Variants in THY1 observed in about 807,000 individuals in gnomAD.
THY1 encodes the protein thy-1 membrane glycoprotein.
THY1 carries 10 observed loss-of-function variants against 14.9 expected under a neutral mutation model. The ratio of observed to expected loss-of-function variants is 0.67; its 90% confidence interval spans 0.41 to 1.14. The LOEUF is 1.14. Ranked by LOEUF, THY1 falls within the 50% of genes most tolerant of loss-of-function variation. The pLI is 0.00. For missense variants in THY1, 159 were observed against 202.1 expected (o/e 0.79, Z 1.29); for synonymous variants, 80 against 90.0 (o/e 0.89, Z 0.63).
rs147774547 is a variant in THY1 at position 119,416,706 on chromosome 11, C to T, written c.*2702G>A. 0.015 allele frequency among the ~76,000 whole-genome samples: 2,266 copies of T among 152,278 alleles called. 24 individuals are homozygous for T. The highest frequency in any genetic ancestry group is 0.021 in the Non-Finnish European group (1,454 of 68,024). ...CTCGAACTCCTGACCTCAAGCGATC[C>T]GCCTCTTCCCAAAGTGGTGGGATTA... On this transcript the variant is annotated 3_prime_UTR_variant, in exon 4 of 4. Coordinates refer to ENST00000284240, the MANE Select transcript of THY1 (RefSeq NM_006288.5).
Position 119,420,936 on chromosome 11 carries a change from T to C in THY1, c.-24-7A>G, listed in dbSNP as rs1378527074. ...TGGGATCTCAGTCCTGGATCTGGGG[T>C]GGGAACAGGATGGGAATCAGCCAAG... On this transcript the variant is annotated splice_region_variant and splice_polypyrimidine_tract_variant and intron_variant, in intron 1 of 3. Transcript: ENST00000284240. 6.2e-7 allele frequency: 1 copy of C among 1,613,814 alleles called. No individual in the cohort carries two copies. Among genetic ancestry groups the C allele is most frequent in the African/African-American group, 1.3e-5 (1 of 74,860 alleles).
Position 119,422,866 on chromosome 11 carries a change from AC to A in THY1, c.-25+246del, listed in dbSNP as rs1861936993. 6.6e-6 allele frequency among the ~76,000 whole-genome samples: 1 copy of A among 151,896 alleles called. No homozygotes were observed. Among genetic ancestry groups the A allele is most frequent in the Admixed American group, 6.6e-5 (1 of 15,266 alleles). On this transcript the variant is annotated intron_variant, in intron 1 of 3. Transcript: ENST00000284240. This position sits in a 1 kb window ranked among gnomAD's most constrained non-coding sequence, Gnocchi z 7.0. ...GTTCTCCAGCGCCCCAGCCCCAGACACCAGTCCCCCAGCGGGCGAAAGCCCG... is the reference window on the plus strand; with the variant it reads ...GTTCTCCAGCGCCCCAGCCCCAGACACAGTCCCCCAGCGGGCGAAAGCCCG...
In THY1 at chr11:119,420,032, T is replaced by C. The variant is rs992707549; in HGVS notation, c.373+19A>G. ...CTGGCTCTCCCAGCTCACTTGACCT[T>C]GTTAGGGGCTTGTCTCACCTCTGAG... is the stretch of plus-strand genomic sequence containing the variant. On this transcript the variant is annotated intron_variant, in intron 3 of 3. Transcript: ENST00000284240. 3.1e-6 allele frequency: 5 copies of C among 1,599,868 alleles called. No homozygotes were observed. In the African/African-American group the frequency reaches 5.3e-5, roughly 17 times the overall value.
In THY1 at chr11:119,420,872, T is replaced by A; in HGVS notation, c.34A>T (p.Thr12Ser). The A allele has an allele frequency of 6.2e-7, 1 of 1,614,100 alleles. No individual in the cohort carries two copies. The highest frequency in any genetic ancestry group is 1.1e-5 in the South Asian group (1 of 91,078). The stretch of plus-strand genomic sequence containing the variant: ...AGTCCTGCCCCATGCCGGGTACCTG[T>A]TAGCAGGAGAGCGATGCTGATGGCC... ...NLAISIALLL[T>S]VLQVSRGQKV... The change falls in exon 2 of 4, where the codon ACA becomes TCA. Residue 12 changes from threonine (T) to serine (S), a missense_variant. By Grantham distance (58) the Thr-to-Ser change is moderately conservative. Transcript: ENST00000284240.
chr11:119,422,752 C>CCGT lies in THY1; in HGVS notation c.-25+358_-25+360dup, dbSNP rs1861934187. Among the ~76,000 whole-genome samples the CCGT allele has an allele frequency of 1.3e-5, 2 of 152,180 alleles. No homozygotes were observed. The highest frequency in any genetic ancestry group is 6.5e-5 in the Admixed American group (1 of 15,286). On this transcript the variant is annotated intron_variant, in intron 1 of 3. Transcript: ENST00000284240. The surrounding 1 kb of genome is among the most constrained non-coding windows in gnomAD (Gnocchi z 7.0). ...CTCCATCCTCTCCCCGCAGTTTCAT[C>CCGT]CGTCCTCCTCCCCGCCTCTGCGAGC...
intron 3 of THY1, 88 bp downstream of exon 3, chr11:119,419,963 C>G: frequency 7.3e-7 from 1 of 1,377,756 alleles, no homozygotes; most frequent in Non-Finnish European, 9.8e-7. Flanking sequence ...TGGGGCTATT[C>G]TCCTCTCTAG....
Position 119,416,828 on chromosome 11 carries a change from G to A in THY1, c.*2580C>T, listed in dbSNP as rs1425997778. On this transcript the variant is annotated 3_prime_UTR_variant, in exon 4 of 4. Transcript: ENST00000284240. ...TCCTTTCCGAAGTCCGTGGCCCTCT[G>A]GTGGCCTCTGTGGCTTCTTGAGCTA... Among the ~76,000 whole-genome samples, 1 of 152,170 alleles carries A rather than the reference G, an allele frequency of 6.6e-6. No homozygotes were observed. The highest frequency in any genetic ancestry group is 1.5e-5 in the Non-Finnish European group (1 of 68,020).
At chr11:119,420,019 G>A (rs2135434934) in intron 3 of THY1, 32 bp downstream of exon 3, 2 of 1,587,088 alleles carry the variant, frequency 1.3e-6, no homozygotes, top group East Asian at 4.5e-5. Flanking sequence ...GGCTCTCCCA[G>A]CTCACTTGAC....
rs1467187935 is a variant in THY1, at chr11:119,420,330, G to T, written c.94C>A (p.Gln32Lys). Residue 32 changes from glutamine to lysine, a missense_variant, in exon 3 of 4, where the codon CAG (glutamine) becomes AAG (lysine). Gln to Lys is a moderately conservative substitution (Grantham distance 53). Transcript: ENST00000284240. Reference protein sequence around the residue: ...VTSLTACLVDQSLRLDCRHEN... With the variant: ...VTSLTACLVDKSLRLDCRHEN... Reference sequence around the variant, plus strand: ...TGGCGGCAGTCCAGACGAAGGCTCTGGTCCACTAGGCAGGCCGTTAGGCTG... The same window carrying T: ...TGGCGGCAGTCCAGACGAAGGCTCTTGTCCACTAGGCAGGCCGTTAGGCTG... 2.5e-6 allele frequency: 4 copies of T among 1,614,178 alleles called. No individual in the cohort carries two copies. Among genetic ancestry groups the T allele is most frequent in the South Asian group, 1.1e-5 (1 of 91,084 alleles).
At chr11:119,420,581 C>CCT in intron 2 of THY1, 195 bp from the exon 3 acceptor site, 1 of 643,246 alleles carries the variant, frequency 1.6e-6, no homozygotes. Context: ...AGCCTTGGAT[C>CCT]CTATCAATGT....
rs1331525000 is a variant in THY1, at chr11:119,422,579, CT to C, written c.-25+533del. On this transcript the variant is annotated intron_variant, in intron 1 of 3. Coordinates refer to ENST00000284240, the MANE Select transcript of THY1 (RefSeq NM_006288.5). This position sits in a 1 kb window ranked among gnomAD's most constrained non-coding sequence, Gnocchi z 7.0. ...TTTCCCAAATGAGTCCCCCTTCCCC[CT>C]CTCTCATCCTTTTCCAGCTCTCCCC... 2 of 188,678 alleles carry C rather than the reference CT, an allele frequency of 1.1e-5. No individual in the cohort carries two copies. The highest frequency in any genetic ancestry group is 4.8e-5 in the African/African-American group (2 of 41,632). 11.7% of individuals were successfully genotyped at this position (188,678 alleles called of 1,614,324 possible).
Position 119,420,396 on chromosome 11 carries a change from G to C in THY1, c.38-10C>G. On this transcript the variant is annotated splice_polypyrimidine_tract_variant and intron_variant, in intron 2 of 3. Coordinates refer to ENST00000284240, the MANE Select transcript of THY1 (RefSeq NM_006288.5). Reference sequence around the variant, plus strand: ...CGGGAGACCTGCAAGACTGGCACCAGCAGTGCCTCCTTCAAACTGGAGGGG... The same window carrying C: ...CGGGAGACCTGCAAGACTGGCACCACCAGTGCCTCCTTCAAACTGGAGGGG... 1 of 1,599,992 alleles carries C rather than the reference G, an allele frequency of 6.3e-7. No individual in the cohort carries two copies. Among genetic ancestry groups the C allele is most frequent in the Non-Finnish European group, 8.5e-7 (1 of 1,174,308 alleles).
rs1046171764 is a variant in THY1, at chr11:119,422,897, C to T, written c.-25+216G>A. Among the ~76,000 whole-genome samples the T allele has an allele frequency of 1.3e-5, 2 of 152,244 alleles. No individual in the cohort carries two copies. Among genetic ancestry groups the T allele is most frequent in the African/African-American group, 4.8e-5 (2 of 41,468 alleles). On this transcript the variant is annotated intron_variant, in intron 1 of 3. Transcript: ENST00000284240. This position sits in a 1 kb window ranked among gnomAD's most constrained non-coding sequence, Gnocchi z 7.0. ...CCCCCAGCGGGCGAAAGCCCGGGAG[C>T]GCCTTCCCCGAAAGACATCAGGGTG... is the stretch of plus-strand genomic sequence containing the variant.
At chr11:119,423,454 T>C (rs1300998395), upstream of THY1, 1 of 350,514 alleles carries the variant, frequency 2.9e-6, no homozygotes, top group Non-Finnish European at 5.7e-6. Flanking sequence ...TCCTCCTCCC[T>C]GAGCCCCGCA....
Position 119,416,180 on chromosome 11 carries a change from T to G in THY1, c.*3228A>C, listed in dbSNP as rs555020249. Among the ~76,000 whole-genome samples, 10 of 152,244 alleles carry G rather than the reference T, an allele frequency of 6.6e-5. No homozygotes were observed. Among genetic ancestry groups the G allele is most frequent in the African/African-American group, 2.4e-4 (10 of 41,546 alleles). The stretch of plus-strand genomic sequence containing the variant: ...AAATGGGGGTGCAGAGAGGGGCTTC[T>G]GTTGCTCTTGAGCGGGAATTCCACG... On this transcript the variant is annotated 3_prime_UTR_variant, in exon 4 of 4. Coordinates refer to ENST00000284240, the MANE Select transcript of THY1 (RefSeq NM_006288.5).
chr11:119,420,491 C>A, intron 2 of THY1, 105 bp from the exon 3 acceptor site: 1 of 1,155,650 alleles, frequency 8.7e-7, no homozygotes, highest in Non-Finnish European at 1.2e-6. Flanking sequence ...GGACCGGGGT[C>A]TGCTCTCTGA....
chr11:119,416,267 A>T lies in THY1; in HGVS notation c.*3141T>A, dbSNP rs963000989. Among the ~76,000 whole-genome samples, 4 of 151,914 alleles carry T rather than the reference A, an allele frequency of 2.6e-5. No individual in the cohort carries two copies. The highest frequency in any genetic ancestry group is 9.7e-5 in the African/African-American group (4 of 41,316). On this transcript the variant is annotated 3_prime_UTR_variant, in exon 4 of 4. Coordinates refer to ENST00000284240, the MANE Select transcript of THY1 (RefSeq NM_006288.5). ...CCCAGGAAAGAGGTTAGGACTGGCGAGGGAGTGGATGGGGATGGGGTTGGG... is the reference window on the plus strand; with the variant it reads ...CCCAGGAAAGAGGTTAGGACTGGCGTGGGAGTGGATGGGGATGGGGTTGGG...
chr11:119,420,280 G>C lies in THY1; in HGVS notation c.144C>G (p.Ile48Met). The C allele has an allele frequency of 1.2e-6, 2 of 1,614,276 alleles. No individual in the cohort carries two copies. Among genetic ancestry groups the C allele is most frequent in the Non-Finnish European group, 1.7e-6 (2 of 1,180,048 alleles). The change falls in exon 3 of 4, where the codon ATC becomes ATG. Residue 48 changes from isoleucine (I) to methionine (M), a missense_variant. Coordinates refer to ENST00000284240, the MANE Select transcript of THY1 (RefSeq NM_006288.5). ...CRHENTSSSP[I>M]QYEFSLTRET... ...CACGGGTCAGGCTGAACTCGTACTG[G>C]ATGGGTGAACTGCTGGTATTCTCAT...
Position 119,422,704 on chromosome 11 carries a change from C to T in THY1, c.-25+409G>A. ...CCCAGCCCGCCGCGAGGTCACCCGG[C>T]AGATTCCCTCTAGCTCGCCATCCTC... On this transcript the variant is annotated intron_variant, in intron 1 of 3. Coordinates refer to ENST00000284240, the MANE Select transcript of THY1 (RefSeq NM_006288.5). This position sits in a 1 kb window ranked among gnomAD's most constrained non-coding sequence, Gnocchi z 7.0. The T allele has an allele frequency of 8.8e-6, 2 of 226,452 alleles. No homozygotes were observed. Among genetic ancestry groups the T allele is most frequent in the South Asian group, 5.3e-5 (1 of 18,986 alleles). 14.0% of individuals were successfully genotyped at this position (226,452 alleles called of 1,614,324 possible). A position where few individuals can be genotyped will look rare whatever the true frequency, so the allele number is the denominator to read the frequency against.
Sources: allele counts gnomAD v4.1 joint callset (sites outside exome capture counted in the v4.1 genomes callset), GRCh38; gene constraint gnomAD v4.1.1; non-coding constraint Gnocchi (gnomAD v3.1); transcripts MANE v1.5; gene names NCBI Gene and HGNC (gene_info 2026-07-23, HGNC 2026-07-21).